Variants in KCNMA1 observed in about 807,000 individuals in gnomAD.
The protein encoded by KCNMA1 is Calcium-activated potassium channel subunit alpha-1.
A neutral mutation model predicts 140.0 loss-of-function variants in KCNMA1; 29 were observed. The ratio of observed to expected loss-of-function variants is 0.21; its 90% CI spans 0.15 to 0.28. The LOEUF (loss-of-function observed/expected upper bound fraction) is 0.28, where lower values mean the gene tolerates loss of function less well. Ranked by LOEUF, KCNMA1 falls within the 10% of genes least tolerant of loss-of-function variation. The pLI, the probability that KCNMA1 is intolerant of heterozygous loss-of-function variation, is 1.00. For missense variants in KCNMA1, 880 were observed against 1,602.2 expected, an observed-to-expected ratio of 0.55 and a Z score of 7.70; for synonymous variants, 612 against 611.9, an observed-to-expected ratio of 1.00 and a Z score of 0.00.
intron 14 of KCNMA1, among the ~76,000 whole-genome samples, chr10:77,054,694 G>C (rs1434936656): frequency 1.3e-5 from 2 of 152,182 alleles, no homozygotes; most frequent in African/African-American, 4.8e-5. Flanking sequence ...TCGTTACCAT[G>C]AAATACATGT....
At chr10:77,258,449 A>G (rs2061275523) in intron 2 of KCNMA1, among the ~76,000 whole-genome samples, 1 of 152,116 alleles carries the variant, frequency 6.6e-6, no homozygotes, top group South Asian at 2.1e-4. Context: ...CTCTGCCATC[A>G]CTACAGAAAA....
chr10:77,276,298 G>A (rs1339399604), intron 2 of KCNMA1, among the ~76,000 whole-genome samples: 2 of 152,170 alleles, frequency 1.3e-5, no homozygotes, highest in African/African-American at 2.4e-5. Flanking sequence ...TTCCTGCAGG[G>A]GCCTGCTAAC....
chr10:77,413,932 G>T (rs172291), intron 1 of KCNMA1, among the ~76,000 whole-genome samples: 70,164 of 151,870 alleles, frequency 0.46, 17,263 homozygotes, highest in South Asian at 0.55. Context: ...AGTTTACTGG[G>T]TGTCTCGGCT....
chr10:77,010,256 T>C (rs2090373531), intron 18 of KCNMA1, among the ~76,000 whole-genome samples: 1 of 152,112 alleles, frequency 6.6e-6, no homozygotes, highest in South Asian at 2.1e-4. Flanking sequence ...CTGTGCTCCT[T>C]CTGATTGAAA....
chr10:77,545,347 C>T (rs2061190349), intron 1 of KCNMA1, among the ~76,000 whole-genome samples: 1 of 152,198 alleles, frequency 6.6e-6, no homozygotes, highest in Non-Finnish European at 1.5e-5. Context: ...TTCCACTCCC[C>T]TAACACATGA....
chr10:76,918,502 C>T (rs1001549499), intron 23 of KCNMA1, among the ~76,000 whole-genome samples: 2 of 152,122 alleles, frequency 1.3e-5, no homozygotes, highest in Non-Finnish European at 2.9e-5. Flanking sequence ...TATAACATCA[C>T]TAAGTATCAG....
At chr10:77,511,782 C>T (rs12240989) in intron 1 of KCNMA1, among the ~76,000 whole-genome samples, 1 of 152,168 alleles carries the variant, frequency 6.6e-6, no homozygotes, top group Non-Finnish European at 1.5e-5. Flanking sequence ...CGAATGCAGG[C>T]TGATGGCACA....
At chr10:76,941,980 T>G (rs189308699) in intron 23 of KCNMA1, among the ~76,000 whole-genome samples, 1 of 152,274 alleles carries the variant, frequency 6.6e-6, no homozygotes, top group East Asian at 1.9e-4. Context: ...TGGTTTATTT[T>G]ATTTTGTTTT....
intron 2 of KCNMA1, among the ~76,000 whole-genome samples, chr10:77,348,056 C>T (rs535400446): frequency 6.6e-6 from 1 of 152,140 alleles, no homozygotes; most frequent in African/African-American, 2.4e-5. Flanking sequence ...TCCAAGTGAA[C>T]AACACATCTG....
chr10:77,185,638 T>A (rs1314475544), intron 3 of KCNMA1, among the ~76,000 whole-genome samples: 6 of 150,518 alleles, frequency 4.0e-5, no homozygotes, highest in Non-Finnish European at 8.9e-5. Flanking sequence ...TGACTTGGTG[T>A]GTGTGTCGAG....
At chr10:77,436,197 G>A (rs1321308594) in intron 1 of KCNMA1, among the ~76,000 whole-genome samples, 1 of 152,204 alleles carries the variant, frequency 6.6e-6, no homozygotes, top group Non-Finnish European at 1.5e-5. Flanking sequence ...AGCAAAGCTG[G>A]CCTTCACAGG....
rs183619960 is a variant in KCNMA1 at position 77,083,281 on chromosome 10, C to T, written c.1523+1356G>A. Among the ~76,000 whole-genome samples, 168 of 152,218 alleles carry T rather than the reference C, an allele frequency of 1.1e-3. 2 individuals carry two copies. Among genetic ancestry groups the T allele is most frequent in the Middle Eastern group, 6.8e-3 (2 of 294 alleles). ...ACAAATTCCAAAGGGCCTCTAACTACCTGGAGCAAAATACCTTGACTTTTT... is the reference window on the plus strand; with the variant it reads ...ACAAATTCCAAAGGGCCTCTAACTATCTGGAGCAAAATACCTTGACTTTTT... On this transcript the variant is annotated intron_variant, in intron 12 of 27. Coordinates refer to ENST00000286628, the MANE Select transcript of KCNMA1 (RefSeq NM_001161352.2).
At chr10:77,577,630 C>T (rs1280383569) in intron 1 of KCNMA1, among the ~76,000 whole-genome samples, 3 of 152,222 alleles carry the variant, frequency 2.0e-5, no homozygotes, top group Non-Finnish European at 2.9e-5. Flanking sequence ...AAAACATACA[C>T]TCATTCCATC....
chr10:76,882,810 ACAGT>A (rs1253064105), downstream of KCNMA1, among the ~76,000 whole-genome samples: 1 of 152,130 alleles, frequency 6.6e-6, no homozygotes, highest in African/African-American at 2.4e-5. Flanking sequence ...TGCATGGGAG[ACAGT>A]CAGCCAGTGT....
At chr10:77,355,860 C>G (rs1328203587) in intron 2 of KCNMA1, among the ~76,000 whole-genome samples, 2 of 151,970 alleles carry the variant, frequency 1.3e-5, no homozygotes, top group Non-Finnish European at 2.9e-5. Context: ...AAGGCAGAGT[C>G]AAGGGTGACA....
At chr10:77,474,746 C>T (rs998580135) in intron 1 of KCNMA1, among the ~76,000 whole-genome samples, 1 of 152,048 alleles carries the variant, frequency 6.6e-6, no homozygotes, top group Non-Finnish European at 1.5e-5. Flanking sequence ...GAAAGAAAAG[C>T]AATAGGGTGT....
At chr10:77,174,350 C>T (rs1169222491) in intron 5 of KCNMA1, among the ~76,000 whole-genome samples, 3 of 152,208 alleles carry the variant, frequency 2.0e-5, no homozygotes, top group African/African-American at 4.8e-5. Flanking sequence ...ATTTGCTAAG[C>T]TTCCACTATG....
At position 77,110,050 on chromosome 10, in the gene KCNMA1, T is replaced by C. The variant is rs919590878; in HGVS notation, c.1131+123A>G. 4 of 865,678 alleles carry C rather than the reference T, an allele frequency of 4.6e-6. No individual in the cohort carries two copies. In the African/African-American group the frequency reaches 5.0e-5, roughly 11 times the overall value. The allele number at this position is 865,678 out of a possible 1,614,324, so 53.6% of individuals were successfully genotyped here. ...TCGTGTTTGGATTTACTTAGCCTGA[T>C]TGTAACGTTAAGGCTTGCTTCTAGT... On this transcript the variant is annotated intron_variant, in intron 8 of 27. Coordinates refer to ENST00000286628, the MANE Select transcript of KCNMA1 (RefSeq NM_001161352.2).
intron 5 of KCNMA1, among the ~76,000 whole-genome samples, chr10:77,123,451 C>G (rs770308492): frequency 1.2e-4 from 18 of 152,160 alleles, no homozygotes; most frequent in Non-Finnish European, 1.9e-4. Flanking sequence ...AAATTTATAA[C>G]AGACTCTACT....
Sources: gnomAD v4.1 joint callset for allele counts (sites outside exome capture counted in the v4.1 genomes callset) on GRCh38, gnomAD v4.1.1 for gene constraint, MANE v1.5 for transcripts, NCBI Gene and HGNC (gene_info 2026-07-23, HGNC 2026-07-21) for gene names.